The following CA6 variants were observed in gnomAD, a reference collection of about 807,000 sequenced individuals.
The protein encoded by CA6 is carbonic anhydrase 6, also known as carbonate dehydratase VI.
CA6 carries 28 observed loss-of-function variants against 35.9 expected under a neutral mutation model. The observed-to-expected ratio is 0.78, with a 90% CI of 0.58 to 1.07. The LOEUF is 1.07. Ranked by LOEUF, CA6 falls within the 50% of genes least tolerant of loss-of-function variation. The probability of loss-of-function intolerance (pLI) is 0.00; values close to 1 mark genes in which losing one functional copy is unlikely to be tolerated. For missense variants in CA6, 377 were observed against 382.0 expected (o/e 0.99, Z 0.11); for synonymous variants, 148 against 152.6 (o/e 0.97, Z 0.22).
At chr1:8,956,729 C>T (rs2124260176) in intron 2 of CA6, among the ~76,000 whole-genome samples, 2 of 152,316 alleles carry the variant, frequency 1.3e-5, no homozygotes, top group Admixed American at 1.3e-4. Flanking sequence ...ATACCTTCGG[C>T]AAATTCCAAA....
At chr1:8,964,676 G>A (rs1055776147) in intron 5 of CA6, among the ~76,000 whole-genome samples, 5 of 152,098 alleles carry the variant, frequency 3.3e-5, no homozygotes, top group Admixed American at 3.3e-4. Flanking sequence ...GCTTCCCCCA[G>A]TTCTCTGGCT....
chr1:8,946,258 G>A (rs750019705), intron 1 of CA6, among the ~76,000 whole-genome samples: 11 of 151,936 alleles, frequency 7.2e-5, no homozygotes, highest in Non-Finnish European at 1.3e-4. Context: ...GGCTGGTCTC[G>A]AACTCCTGAC....
At chr1:8,955,025 G>T (rs1639636426) in intron 2 of CA6, among the ~76,000 whole-genome samples, 1 of 145,936 alleles carries the variant, frequency 6.9e-6, no homozygotes, top group Non-Finnish European at 1.5e-5. Flanking sequence ...ACTAGTAACA[G>T]TTGGTGGGCC....
In CA6 at chr1:8,974,809, T is replaced by C. The variant is rs181061190; in HGVS notation, c.*105T>C. The stretch of plus-strand genomic sequence containing the variant: ...CCTACCTTGTCTAAGAAACCATGTG[T>C]GTCTGGAACACGCTGCTCCCCCTGG... On this transcript the variant is annotated 3_prime_UTR_variant, in exon 8 of 8. Transcript: ENST00000377443. The C allele has an allele frequency of 2.9e-3, 1,793 of 626,814 alleles. 6 individuals are homozygous for C. The highest frequency in any genetic ancestry group is 3.8e-3 in the Non-Finnish European group (1,413 of 370,854). The allele number at this position is 626,814 out of a possible 1,614,324, so 38.8% of individuals were successfully genotyped here. A position where few individuals can be genotyped will look rare whatever the true frequency, so the allele number is the denominator to read the frequency against.
At position 8,956,283 on chromosome 1, in the gene CA6, T is replaced by G. The variant is rs114184748; in HGVS notation, c.260-854T>G. 7.4e-3 allele frequency among the ~76,000 whole-genome samples: 1,119 copies of G among 152,218 alleles called. 9 individuals carry two copies. Among genetic ancestry groups the G allele is most frequent in the African/African-American group, 0.026 (1,095 of 41,532 alleles). On this transcript the variant is annotated intron_variant, in intron 2 of 7. Transcript: ENST00000377443. ...ACATGCTGCCTTTCCAACGCCGAAA[T>G]TATATCCTCATAGATATTTTTCTTA...
At chr1:8,959,558 C>G (rs2124165641) in intron 4 of CA6, among the ~76,000 whole-genome samples, 1 of 152,016 alleles carries the variant, frequency 6.6e-6, no homozygotes, top group East Asian at 2.0e-4. Flanking sequence ...AGGTGATCCC[C>G]CTACCTCAGC....
At chr1:8,968,268 C>T (rs1016246655) in intron 6 of CA6, among the ~76,000 whole-genome samples, 22 of 152,166 alleles carry the variant, frequency 1.4e-4, no homozygotes, top group African/African-American at 5.1e-4. Flanking sequence ...ACCCGGCCAT[C>T]TCCTTTTCTT....
At chr1:8,949,498 C>A in intron 2 of CA6, 56 bp downstream of exon 2, 1 of 1,457,484 alleles carries the variant, frequency 6.9e-7, no homozygotes, top group Non-Finnish European at 9.6e-7. Flanking sequence ...CAGGGGAAGG[C>A]AGGTTACACG....
At chr1:8,961,149 G>A (rs1026275266) in intron 4 of CA6, among the ~76,000 whole-genome samples, 3 of 152,040 alleles carry the variant, frequency 2.0e-5, no homozygotes, top group Admixed American at 6.6e-5. Flanking sequence ...CCAGATATAC[G>A]AAAACCAGTA....
chr1:8,970,703 G>A (rs1640086829), intron 6 of CA6, among the ~76,000 whole-genome samples, 164 bp from the exon 7 acceptor site: 1 of 152,046 alleles, frequency 6.6e-6, no homozygotes, highest in African/African-American at 2.4e-5. Flanking sequence ...GTTTCACCAT[G>A]TTGGCCAGGC....
chr1:8,968,288 ATTTCCT>A (rs1230671758), intron 6 of CA6, among the ~76,000 whole-genome samples: 7 of 151,872 alleles, frequency 4.6e-5, no homozygotes, highest in African/African-American at 9.7e-5. Flanking sequence ...TAAACTTTTC[ATTTCCT>A]TAGAAAAAGG....
Position 8,957,186 on chromosome 1 carries a change from T to C in CA6, c.309T>C (p.Thr103=). The C allele has an allele frequency of 6.2e-7, 1 of 1,614,012 alleles. No homozygotes were observed. Among genetic ancestry groups the C allele is most frequent in the Non-Finnish European group, 8.5e-7 (1 of 1,179,964 alleles). ...STMRMTVADG[T]VYIAQQMHFH... is the part of the protein sequence containing the mutation. ...TGCGCATGACAGTGGCTGACGGCAC[T>C]GTATACATAGCCCAGCAGATGCACT... Residue 103 remains threonine, a synonymous_variant, in exon 3 of 8, where the codon ACT becomes ACC. Transcript: ENST00000377443.
At chr1:8,964,231 G>A (rs1322367218) in intron 5 of CA6, among the ~76,000 whole-genome samples, 4 of 152,036 alleles carry the variant, frequency 2.6e-5, no homozygotes, top group African/African-American at 4.8e-5. Context: ...CTTCTGCATC[G>A]TTGATTTCTC....
rs116134104 is a variant in CA6, at chr1:8,971,212, C to T, written c.844+231C>T. Among the ~76,000 whole-genome samples the T allele has an allele frequency of 1.9e-3, 294 of 151,942 alleles. 2 individuals are homozygous for T. The highest frequency in any genetic ancestry group is 6.8e-3 in the African/African-American group (281 of 41,458). Reference sequence around the variant, plus strand: ...ACGAGACAATCAGAAGCGACAGCTACGTGATTTATTACCTACCTAGTCTTG... The same window carrying T: ...ACGAGACAATCAGAAGCGACAGCTATGTGATTTATTACCTACCTAGTCTTG... On this transcript the variant is annotated intron_variant, in intron 7 of 7. Transcript: ENST00000377443.
intron 3 of CA6, among the ~76,000 whole-genome samples, chr1:8,958,512 T>C (rs1341147680): frequency 6.6e-6 from 1 of 152,166 alleles, no homozygotes; most frequent in African/African-American, 2.4e-5. Flanking sequence ...AATCCATCCA[T>C]AGGATGACTA....
At position 8,945,906 on chromosome 1, in the gene CA6, T is replaced by C. The variant is rs763221471; in HGVS notation, c.20T>C (p.Leu7Pro). Residue 7 changes from leucine to proline, a missense_variant, in exon 1 of 8, where the codon CTG becomes CCG. Physicochemically the swap from Leu to Pro is moderately conservative, Grantham distance 98. Transcript: ENST00000377443. ...AGCACCATGAGGGCCCTGGTGCTTC[T>C]GCTGTCCCTGTTCCTGCTGGGTGGC... Reference protein sequence around the residue: MRALVLLLSLFLLGGQA... With the variant: MRALVLPLSLFLLGGQA... The C allele has an allele frequency of 8.1e-6, 13 of 1,613,692 alleles. No homozygotes were observed. In the East Asian group the frequency reaches 2.5e-4, roughly 30 times the overall value.
chr1:8,973,749 TTTC>T (rs1557635585), intron 7 of CA6, among the ~76,000 whole-genome samples: 5 of 22,216 alleles, frequency 2.3e-4, no homozygotes, highest in South Asian at 2.9e-3. Flanking sequence ...TCTTTCTTTC[TTTC>T]TTTCTTTCTT....
intron 2 of CA6, among the ~76,000 whole-genome samples, chr1:8,955,827 A>G (rs1038241142): frequency 7.2e-5 from 11 of 152,244 alleles, no homozygotes; most frequent in African/African-American, 2.2e-4. Context: ...TCCTTTAGAC[A>G]ATTTGGAAAG....
In CA6 at chr1:8,970,877, T is replaced by C. The variant is rs767788307; in HGVS notation, c.740T>C (p.Leu247Pro). 1.2e-6 allele frequency: 2 copies of C among 1,611,672 alleles called. No individual in the cohort carries two copies. The highest frequency in any genetic ancestry group is 1.7e-6 in the Non-Finnish European group (2 of 1,177,830). The change falls in exon 7 of 8, where the codon CTG becomes CCG. Residue 247 changes from leucine to proline, a missense_variant. Coordinates refer to ENST00000377443, the MANE Select transcript of CA6 (RefSeq NM_001215.4). ...VKLSRTQVWK[L>P]ENSLLDHRNK... ...TCACGTTGCCCCCAGGTTTGGAAGC[T>C]GGAGAATTCCTTACTGGATCACCGC...
Sources: allele counts gnomAD v4.1 joint callset (sites outside exome capture counted in the v4.1 genomes callset), GRCh38; gene constraint gnomAD v4.1.1; transcripts MANE v1.5; gene names NCBI Gene and HGNC (gene_info 2026-07-23, HGNC 2026-07-21).